Variants in ADARB2 observed in about 807,000 individuals in gnomAD.
ADARB2 encodes inactive double-stranded RNA-specific editase B2.
Under a neutral mutation model 62.2 loss-of-function variants are expected in ADARB2, and 25 were observed. The ratio of observed to expected loss-of-function variants is 0.40; its 90% CI spans 0.29 to 0.56. ADARB2 has a LOEUF of 0.56. Among genes scored for constraint, ADARB2 ranks in the 20% least tolerant of loss-of-function variants. ADARB2 has a pLI of 0.43. For synonymous variants in ADARB2, 572 were observed against 500.8 expected, an observed-to-expected ratio of 1.14 and a Z score of -1.90; for missense variants, 1,071 against 1,077.4, an observed-to-expected ratio of 0.99 and a Z score of 0.08.
At chr10:1,631,258 C>T (rs1833840291) in intron 1 of ADARB2, among the ~76,000 whole-genome samples, 1 of 152,156 alleles carries the variant, frequency 6.6e-6, no homozygotes, top group African/African-American at 2.4e-5. Context: ...CTTCCTTCCT[C>T]CATTCCATTC....
At position 1,420,611 on chromosome 10, in the gene ADARB2, G is replaced by GAAAAAAA. The variant is rs755860726; in HGVS notation, c.101-41452_101-41451insTTTTTTT. The stretch of plus-strand genomic sequence containing the variant: ...GCAGGTCCTCATCTTCCAGAAAGAG[G>GAAAAAAA]GAAAAAAAAAAAAAAAAAAGGCAGA... On this transcript the variant is annotated intron_variant, in intron 1 of 9. Transcript: ENST00000381312. Among the ~76,000 whole-genome samples the GAAAAAAA allele has an allele frequency of 3.3e-5, 4 of 121,124 alleles. 2 individuals are homozygous for GAAAAAAA. 79.5% of individuals were successfully genotyped at this position (121,124 alleles called of 152,430 possible). A position where few individuals can be genotyped will look rare whatever the true frequency, so the allele number is the denominator to read the frequency against.
At chr10:1,517,986 T>A (rs1399458988) in intron 1 of ADARB2, among the ~76,000 whole-genome samples, 2 of 152,090 alleles carry the variant, frequency 1.3e-5, no homozygotes, top group Admixed American at 6.5e-5. Context: ...GGGGCAAAAT[T>A]CACATCCCTA....
chr10:1,291,097 A>G (rs542139822), intron 3 of ADARB2: 8 of 152,354 alleles, frequency 5.3e-5, no homozygotes, highest in African/African-American at 1.9e-4. Context: ...CCCTTGGAAA[A>G]AGTAGTTGTT....
intron 1 of ADARB2, among the ~76,000 whole-genome samples, chr10:1,413,714 CT>C (rs1348695881): frequency 8.5e-5 from 13 of 152,198 alleles, no homozygotes; most frequent in African/African-American, 2.4e-4. Context: ...TCAGCCTCAC[CT>C]TGAGAATCTT....
At chr10:1,525,197 T>C (rs145759102) in intron 1 of ADARB2, among the ~76,000 whole-genome samples, 3 of 152,220 alleles carry the variant, frequency 2.0e-5, no homozygotes, top group African/African-American at 7.2e-5. Flanking sequence ...CCTTTTTGTA[T>C]GTTTGGGGGA....
intron 3 of ADARB2, among the ~76,000 whole-genome samples, chr10:1,312,198 C>A (rs1831698244): frequency 6.6e-6 from 1 of 152,220 alleles, no homozygotes; most frequent in Admixed American, 6.5e-5. Context: ...CTCCTTGGAG[C>A]ATGCGAACCT....
At chr10:1,492,482 T>C (rs1260675797) in intron 1 of ADARB2, among the ~76,000 whole-genome samples, 4 of 152,172 alleles carry the variant, frequency 2.6e-5, no homozygotes, top group South Asian at 4.1e-4. Flanking sequence ...GATCATCCCC[T>C]GCGGCCTTCA....
At chr10:1,316,683 T>G (rs891336591) in intron 3 of ADARB2, among the ~76,000 whole-genome samples, 5 of 152,200 alleles carry the variant, frequency 3.3e-5, no homozygotes, top group Non-Finnish European at 1.5e-5. Flanking sequence ...CCTCTATTGC[T>G]GTGCCCTCCC....
chr10:1,665,388 G>C (rs1834303338), intron 1 of ADARB2, among the ~76,000 whole-genome samples: 1 of 152,236 alleles, frequency 6.6e-6, no homozygotes, highest in African/African-American at 2.4e-5. Context: ...ACCCCGACGT[G>C]GGGAACTCGC....
intron 5 of ADARB2, among the ~76,000 whole-genome samples, chr10:1,234,560 C>A (rs1472410615): frequency 6.6e-6 from 1 of 151,974 alleles, no homozygotes; most frequent in Non-Finnish European, 1.5e-5. Context: ...CCTGCCTCAG[C>A]CTCCCGAGTA....
chr10:1,353,699 C>CT (rs1232549907), intron 3 of ADARB2, among the ~76,000 whole-genome samples: 32 of 152,168 alleles, frequency 2.1e-4, no homozygotes, highest in African/African-American at 7.7e-4. Context: ...CCTGGGTAAC[C>CT]TTTCACCTTC....
intron 4 of ADARB2, among the ~76,000 whole-genome samples, chr10:1,267,161 C>T (rs1589170627): frequency 6.6e-6 from 1 of 151,522 alleles, no homozygotes; most frequent in African/African-American, 2.4e-5. Flanking sequence ...AACCTTTCCC[C>T]CTCCCGGGTA....
chr10:1,376,288 A>T (rs1832428934), intron 2 of ADARB2, among the ~76,000 whole-genome samples: 1 of 152,202 alleles, frequency 6.6e-6, no homozygotes, highest in South Asian at 2.1e-4. Flanking sequence ...TGAAAATGAG[A>T]CTCCTCAAGC....
intron 1 of ADARB2, among the ~76,000 whole-genome samples, chr10:1,567,142 G>C (rs535893715): frequency 6.6e-6 from 1 of 152,172 alleles, no homozygotes; most frequent in East Asian, 1.9e-4. Context: ...AGGGTGACTG[G>C]GGGTCCCTGT....
intron 1 of ADARB2, among the ~76,000 whole-genome samples, chr10:1,412,175 G>A (rs1832765036): frequency 6.6e-6 from 1 of 152,164 alleles, no homozygotes; most frequent in African/African-American, 2.4e-5. Flanking sequence ...TCGGGACGAT[G>A]CTGGACGGGT....
intron 1 of ADARB2, among the ~76,000 whole-genome samples, chr10:1,594,805 TCGCAGAATTG>T (rs1833308566): frequency 6.6e-6 from 1 of 152,232 alleles, no homozygotes; most frequent in African/African-American, 2.4e-5. Flanking sequence ...AAGTGGAGAC[TCGCAGAATTG>T]CACAATCCGG....
At chr10:1,368,355 ACAG>A (rs1832331616) in intron 2 of ADARB2, among the ~76,000 whole-genome samples, 3 of 152,190 alleles carry the variant, frequency 2.0e-5, no homozygotes, top group Admixed American at 6.5e-5. Context: ...TTTTGAAAAC[ACAG>A]CAGGGAAATG....
At chr10:1,217,147 G>C (rs1203899472) in intron 6 of ADARB2, 28 bp from the exon 7 acceptor site, 1 of 1,534,720 alleles carries the variant, frequency 6.5e-7, no homozygotes, top group Non-Finnish European at 8.8e-7. Flanking sequence ...GGGGAGGGGT[G>C]AGAAGAGGGA....
At chr10:1,311,271 G>A (rs1831687963) in intron 3 of ADARB2, among the ~76,000 whole-genome samples, 1 of 152,254 alleles carries the variant, frequency 6.6e-6, no homozygotes, top group African/African-American at 2.4e-5. Flanking sequence ...CCAGGCACTT[G>A]TGGTGCTGCT....
Sources: gnomAD v4.1 joint callset for allele counts (sites outside exome capture counted in the v4.1 genomes callset) on GRCh38, gnomAD v4.1.1 for gene constraint, MANE v1.5 for transcripts, NCBI Gene and HGNC (gene_info 2026-07-23, HGNC 2026-07-21) for gene names.